The following SYPL2 variants were observed in gnomAD, a reference collection of about 807,000 sequenced individuals.
SYPL2 encodes the protein synaptophysin-like protein 2.
SYPL2 carries 24 observed loss-of-function variants against 31.3 expected under a neutral mutation model. The ratio of observed to expected loss-of-function variants is 0.77; its 90% CI spans 0.56 to 1.08. SYPL2 has a LOEUF of 1.08. Among genes scored for constraint, SYPL2 ranks in the 50% least tolerant of loss-of-function variants. The pLI is 0.00. For synonymous variants in SYPL2, 144 were observed against 143.1 expected, an observed-to-expected ratio of 1.01 and a Z score of -0.05; for missense variants, 342 against 360.1, an observed-to-expected ratio of 0.95 and a Z score of 0.41.
intron 2 of SYPL2, among the ~76,000 whole-genome samples, chr1:109,469,358 G>A (rs1248486283): frequency 7.5e-6 from 1 of 132,848 alleles, no homozygotes; most frequent in Non-Finnish European, 1.6e-5. Context: ...TTTGTCAGGA[G>A]CTTATCTTAG....
rs893968504 is a variant in SYPL2, at chr1:109,481,975, C to G, written c.*2427C>G. The G allele has an allele frequency of 1.3e-5, 2 of 152,544 alleles. No homozygotes were observed. Among genetic ancestry groups the G allele is most frequent in the Non-Finnish European group, 2.9e-5 (2 of 68,014 alleles). 9.4% of individuals were successfully genotyped at this position (152,544 alleles called of 1,614,324 possible). ...TCTAACCCAGCACCAGGGTGCCCACCTAGGACCTTTCCTGGACATGAGTTT... is the reference window on the plus strand; with the variant it reads ...TCTAACCCAGCACCAGGGTGCCCACGTAGGACCTTTCCTGGACATGAGTTT... On this transcript the variant is annotated 3_prime_UTR_variant, in exon 6 of 6. Coordinates refer to ENST00000369872, the MANE Select transcript of SYPL2 (RefSeq NM_001040709.2).
intron 3 of SYPL2, among the ~76,000 whole-genome samples, chr1:109,476,074 G>T (rs1655990100): frequency 6.6e-6 from 1 of 152,154 alleles, no homozygotes; most frequent in South Asian, 2.1e-4. Flanking sequence ...TTGAAGGTAG[G>T]GAAGCTTATT....
At chr1:109,474,352 G>A (rs1245507779) in intron 2 of SYPL2, among the ~76,000 whole-genome samples, 3 of 144,824 alleles carry the variant, frequency 2.1e-5, no homozygotes, top group Admixed American at 6.9e-5. Flanking sequence ...GCGGTGGGCG[G>A]GAGAGGGACA....
rs1656131698 is a variant in SYPL2 at position 109,480,491 on chromosome 1, T to TCCTTTTTGAAGTCTGTCCAGG, written c.*948_*968dup. ...CATCGTGCATCTGAGGCATTTGAGA[T>TCCTTTTTGAAGTCTGTCCAGG]CCTTTTTGAAGTCTGTCCAGGCCTT... On this transcript the variant is annotated 3_prime_UTR_variant, in exon 6 of 6. Transcript: ENST00000369872. The TCCTTTTTGAAGTCTGTCCAGG allele has an allele frequency of 6.6e-6, 1 of 152,192 alleles. No homozygotes were observed. The highest frequency in any genetic ancestry group is 2.4e-5 in the African/African-American group (1 of 41,406). The allele number at this position is 152,192 out of a possible 1,614,324, so 9.4% of individuals were successfully genotyped here.
In SYPL2 at chr1:109,478,724, T is replaced by G. The variant is rs1237586534; in HGVS notation, c.649-654T>G. On this transcript the variant is annotated intron_variant, in intron 5 of 5. Transcript: ENST00000369872. This position sits in a 1 kb window ranked among gnomAD's most constrained non-coding sequence, Gnocchi z 4.0. ...ATTTTATTGTAGAAATGTTCACAGG[T>G]ACAACAAAGTTGAAAGAATTTTACA... Among the ~76,000 whole-genome samples the G allele has an allele frequency of 1.3e-5, 2 of 152,214 alleles. No homozygotes were observed. The highest frequency in any genetic ancestry group is 3.8e-4 in the East Asian group (2 of 5,200).
intron 4 of SYPL2, 87 bp downstream of exon 4, chr1:109,477,064 AT>A: frequency 6.6e-7 from 1 of 1,517,810 alleles, no homozygotes; most frequent in Non-Finnish European, 9.0e-7. Context: ...GAGGACAAGC[AT>A]GGCGGCTTCC....
chr1:109,468,091 C>T (rs1655709643), intron 2 of SYPL2, among the ~76,000 whole-genome samples: 1 of 152,162 alleles, frequency 6.6e-6, no homozygotes, highest in Non-Finnish European at 1.5e-5. Flanking sequence ...CCTAAGGCCT[C>T]CTGGGTATAA....
At chr1:109,468,691 G>GT (rs1169066776) in intron 2 of SYPL2, among the ~76,000 whole-genome samples, 1 of 152,200 alleles carries the variant, frequency 6.6e-6, no homozygotes, top group African/African-American at 2.4e-5. Flanking sequence ...ACTGTCAAAG[G>GT]ATAAGGGAAA....
In SYPL2 at chr1:109,477,888, C is replaced by A. The variant is rs373200737; in HGVS notation, c.527C>A (p.Thr176Asn). ...GCAGCTGCCTGGGGCAAGGGCCTGA[C>A]CGATGTCAAGGGGGCCACACGACCA... Reference protein sequence around the residue: ...VAAAAWGKGLTDVKGATRPSS... With the variant: ...VAAAAWGKGLNDVKGATRPSS... Residue 176 changes from threonine (T) to asparagine (N), a missense_variant, in exon 5 of 6, where the codon ACC becomes AAC. Thr to Asn is a moderately conservative substitution (Grantham distance 65, BLOSUM62 0). Coordinates refer to ENST00000369872, the MANE Select transcript of SYPL2 (RefSeq NM_001040709.2). 8.1e-6 allele frequency: 13 copies of A among 1,614,062 alleles called. No homozygotes were observed. Among genetic ancestry groups the A allele is most frequent in the Non-Finnish European group, 1.1e-5 (13 of 1,180,044 alleles).
intron 2 of SYPL2, among the ~76,000 whole-genome samples, chr1:109,473,962 A>G (rs1655914856): frequency 6.6e-6 from 1 of 152,132 alleles, no homozygotes; most frequent in African/African-American, 2.4e-5. Flanking sequence ...CACCTGGCTA[A>G]TTAGTGACAG....
Position 109,476,989 on chromosome 1 carries a change from C to T in SYPL2, c.456+12C>T, listed in dbSNP as rs750993499. 3 of 1,614,090 alleles carry T rather than the reference C, an allele frequency of 1.9e-6. No homozygotes were observed. Among genetic ancestry groups the T allele is most frequent in the African/African-American group, 1.3e-5 (1 of 75,034 alleles). The stretch of plus-strand genomic sequence containing the variant: ...GCTTCCCGCTGGTGGTGAGTCAGCA[C>T]AGGCCAGAAGGAATGGGGTGGAGAA... On this transcript the variant is annotated intron_variant, in intron 4 of 5. Coordinates refer to ENST00000369872, the MANE Select transcript of SYPL2 (RefSeq NM_001040709.2).
chr1:109,476,772 G>T lies in SYPL2; in HGVS notation c.255-4G>T, dbSNP rs772771026. 8 of 1,613,786 alleles carry T rather than the reference G, an allele frequency of 5.0e-6. No homozygotes were observed. Among genetic ancestry groups the T allele is most frequent in the Non-Finnish European group, 6.8e-6 (8 of 1,179,958 alleles). On this transcript the variant is annotated splice_region_variant and splice_polypyrimidine_tract_variant and intron_variant, in intron 3 of 5. Coordinates refer to ENST00000369872, the MANE Select transcript of SYPL2 (RefSeq NM_001040709.2). ...CTCAGGATGGCCTCCCCTGCCACCT[G>T]CAGGTTGCACCGGATCCAATATGAG...
At chr1:109,467,167 G>A in intron 2 of SYPL2, 34 bp downstream of exon 2, 2 of 1,524,604 alleles carry the variant, frequency 1.3e-6, no homozygotes, top group South Asian at 1.2e-5. Flanking sequence ...GCTATTTCGG[G>A]AGCCTGGGCT....
intron 2 of SYPL2, among the ~76,000 whole-genome samples, chr1:109,468,705 T>A (rs1655734454): frequency 6.6e-6 from 1 of 152,210 alleles, no homozygotes. Context: ...AGGGAAACAA[T>A]GAGGTTATTA....
intron 2 of SYPL2, among the ~76,000 whole-genome samples, chr1:109,468,781 C>T (rs571977323): frequency 6.6e-6 from 1 of 152,294 alleles, no homozygotes; most frequent in East Asian, 1.9e-4. Context: ...GCCATCCTTC[C>T]CTCCACGCAG....
At chr1:109,470,112 C>A (rs1204601441) in intron 2 of SYPL2, among the ~76,000 whole-genome samples, 1 of 152,064 alleles carries the variant, frequency 6.6e-6, no homozygotes, top group Non-Finnish European at 1.5e-5. Flanking sequence ...CTCAGCCTTT[C>A]AAGTATCTGG....
chr1:109,478,155 G>A lies in SYPL2; in HGVS notation c.648+146G>A. ...TGGTGCCCTCACTGCGCTTCATGCT[G>A]GCTGCTGGCTCCTGGCTGACCCTGA... On this transcript the variant is annotated intron_variant, in intron 5 of 5. Transcript: ENST00000369872. This position sits in a 1 kb window ranked among gnomAD's most constrained non-coding sequence, Gnocchi z 4.0. The A allele has an allele frequency of 7.0e-7, 1 of 1,436,186 alleles. No individual in the cohort carries two copies. Among genetic ancestry groups the A allele is most frequent in the Non-Finnish European group, 9.1e-7 (1 of 1,097,090 alleles). 89.0% of individuals were successfully genotyped at this position (1,436,186 alleles called of 1,614,324 possible). A position where few individuals can be genotyped will look rare whatever the true frequency, so the allele number is the denominator to read the frequency against.
chr1:109,477,099 T>A (rs997393099), intron 4 of SYPL2, 122 bp downstream of exon 4: 1 of 1,127,808 alleles, frequency 8.9e-7, no homozygotes. Context: ...AACCTCTGCC[T>A]CCATCAACCT....
In SYPL2 at chr1:109,481,180, C is replaced by T. The variant is rs1465069284; in HGVS notation, c.*1632C>T. The T allele has an allele frequency of 2.0e-5, 3 of 152,630 alleles. No individual in the cohort carries two copies. The highest frequency in any genetic ancestry group is 1.3e-4 in the Admixed American group (2 of 15,282). 9.5% of individuals were successfully genotyped at this position (152,630 alleles called of 1,614,324 possible). A position where few individuals can be genotyped will look rare whatever the true frequency, so the allele number is the denominator to read the frequency against. On this transcript the variant is annotated 3_prime_UTR_variant, in exon 6 of 6. Transcript: ENST00000369872. The stretch of plus-strand genomic sequence containing the variant: ...TTTGACTTCAGGCCAGTCATTTCCT[C>T]CCGATGGGGAAAGGGTGAGATTTAC...
Sources: gnomAD v4.1 joint callset for allele counts (sites outside exome capture counted in the v4.1 genomes callset) on GRCh38, gnomAD v4.1.1 for gene constraint, Gnocchi (gnomAD v3.1) non-coding constraint, MANE v1.5 for transcripts, NCBI Gene and HGNC (gene_info 2026-07-23, HGNC 2026-07-21) for gene names.